Variants in SLCO5A1 observed in about 807,000 individuals in gnomAD.
SLCO5A1 encodes organic anion transporter polypeptide-related protein 4.
A neutral mutation model predicts 65.1 loss-of-function variants in SLCO5A1; 39 were observed. That is an observed-to-expected ratio of 0.60 (90% CI 0.46 to 0.78). SLCO5A1 has a LOEUF of 0.78. Ranked by LOEUF, SLCO5A1 falls within the 30% of genes least tolerant of loss-of-function variation. The probability of loss-of-function intolerance (pLI) is 0.00; values close to 1 mark genes in which losing one functional copy is unlikely to be tolerated. For synonymous variants in SLCO5A1, 438 were observed against 415.7 expected (o/e 1.05, Z -0.65); for missense variants, 1,029 against 1,069.4 (o/e 0.96, Z 0.53).
chr8:69,710,176 G>A (rs1374101008), intron 5 of SLCO5A1, among the ~76,000 whole-genome samples: 4 of 151,886 alleles, frequency 2.6e-5, no homozygotes, highest in Non-Finnish European at 4.4e-5. Context: ...TGGCAACCAC[G>A]ACCGGCTAAT....
chr8:69,831,764 T>C lies in SLCO5A1; in HGVS notation c.907+3A>G, dbSNP rs1261525721. 1.2e-6 allele frequency: 2 copies of C among 1,612,018 alleles called. No homozygotes were observed. The highest frequency in any genetic ancestry group is 2.2e-5 in the East Asian group (1 of 44,894). ...CATATCTGAGAGAACAGGAAAGTCT[T>C]ACCTAGGTACAAGGAGGAGTTTTCT... On this transcript the variant is annotated splice_donor_region_variant and intron_variant, in intron 2 of 9. Coordinates refer to ENST00000260126, the MANE Select transcript of SLCO5A1 (RefSeq NM_030958.3).
At chr8:69,807,609 T>C (rs141235277) in intron 2 of SLCO5A1, among the ~76,000 whole-genome samples, 219 of 152,336 alleles carry the variant, frequency 1.4e-3, no homozygotes, top group African/African-American at 5.0e-3. Flanking sequence ...GCTCATGTAG[T>C]ATGTGTTTCT....
At chr8:69,691,979 T>C (rs997151026) in intron 6 of SLCO5A1, among the ~76,000 whole-genome samples, 1 of 152,210 alleles carries the variant, frequency 6.6e-6, no homozygotes, top group African/African-American at 2.4e-5. Flanking sequence ...CCGGACGCGG[T>C]GGCTCACGCC....
At chr8:69,700,624 A>C (rs1013142155) in intron 6 of SLCO5A1, 1 of 152,168 alleles carries the variant, frequency 6.6e-6, no homozygotes, top group South Asian at 2.1e-4. Context: ...CTGAAATACT[A>C]GTAATAAAAG....
At chr8:69,799,981 T>G (rs183271140) in intron 2 of SLCO5A1, among the ~76,000 whole-genome samples, 2 of 152,346 alleles carry the variant, frequency 1.3e-5, no homozygotes, top group African/African-American at 4.8e-5. Flanking sequence ...GATAATAATT[T>G]CCTGAAAATA....
At position 69,781,718 on chromosome 8, in the gene SLCO5A1, C is replaced by T. The variant is rs187923309; in HGVS notation, c.908-19843G>A. Among the ~76,000 whole-genome samples the T allele has an allele frequency of 5.3e-5, 8 of 152,048 alleles. No individual in the cohort carries two copies. The East Asian group carries it at 9.7e-4, about 18-fold the overall frequency. On this transcript the variant is annotated intron_variant, in intron 2 of 9. Coordinates refer to ENST00000260126, the MANE Select transcript of SLCO5A1 (RefSeq NM_030958.3). ...TGTTGCCCAGGCTGGAGTGCAATGGCGCGATCTCGGCTCATCACAACCTCC... is the reference window on the plus strand; with the variant it reads ...TGTTGCCCAGGCTGGAGTGCAATGGTGCGATCTCGGCTCATCACAACCTCC...
chr8:69,778,563 T>C (rs1481038089), intron 2 of SLCO5A1, among the ~76,000 whole-genome samples: 2 of 152,238 alleles, frequency 1.3e-5, no homozygotes, highest in Non-Finnish European at 2.9e-5. Flanking sequence ...GTTTTCCTTA[T>C]AACTTTTCAT....
intron 2 of SLCO5A1, among the ~76,000 whole-genome samples, chr8:69,790,722 T>C (rs1456731725): frequency 1.3e-5 from 2 of 151,836 alleles, no homozygotes; most frequent in Admixed American, 1.3e-4. Context: ...TAATATGCGG[T>C]TTTAAACTAC....
chr8:69,717,638 T>G lies in SLCO5A1; in HGVS notation c.1424-12409A>C, dbSNP rs558903715. Among the ~76,000 whole-genome samples, 14 of 152,314 alleles carry G rather than the reference T, an allele frequency of 9.2e-5. No individual in the cohort carries two copies. In the East Asian group the frequency reaches 2.7e-3, roughly 29 times the overall value. On this transcript the variant is annotated intron_variant, in intron 5 of 9. Coordinates refer to ENST00000260126, the MANE Select transcript of SLCO5A1 (RefSeq NM_030958.3). ...TTGCCAATTTTTGCAAAGAAGCCAG[T>G]TGGAATTTTGATGAGGATTGTATTG...
At chr8:69,688,764 T>A (rs1007925193) in intron 6 of SLCO5A1, among the ~76,000 whole-genome samples, 1 of 152,186 alleles carries the variant, frequency 6.6e-6, no homozygotes, top group Admixed American at 6.5e-5. Context: ...TGGTTCCAAG[T>A]CTTTGCTATT....
At chr8:69,707,264 A>G (rs2130812326) in intron 5 of SLCO5A1, among the ~76,000 whole-genome samples, 1 of 152,344 alleles carries the variant, frequency 6.6e-6, no homozygotes, top group African/African-American at 2.4e-5. Flanking sequence ...TAATTATACA[A>G]AGTGCAGGGA....
chr8:69,760,652 T>A (rs1189640811), intron 3 of SLCO5A1, among the ~76,000 whole-genome samples: 3 of 152,242 alleles, frequency 2.0e-5, no homozygotes, highest in African/African-American at 7.2e-5. Flanking sequence ...GCCTTATCAA[T>A]GTATATATAT....
At chr8:69,809,040 G>A (rs927967184) in intron 2 of SLCO5A1, among the ~76,000 whole-genome samples, 2 of 152,136 alleles carry the variant, frequency 1.3e-5, no homozygotes, top group Non-Finnish European at 2.9e-5. Flanking sequence ...GGAGGAAGAG[G>A]TTGCAGTAAG....
chr8:69,686,948 T>C (rs1044329227), intron 6 of SLCO5A1, among the ~76,000 whole-genome samples: 3 of 152,220 alleles, frequency 2.0e-5, no homozygotes, highest in Admixed American at 2.0e-4. Flanking sequence ...GTTATCAAAA[T>C]GTCAGTATCA....
chr8:69,795,264 C>T (rs1819443413), intron 2 of SLCO5A1, among the ~76,000 whole-genome samples: 1 of 152,206 alleles, frequency 6.6e-6, no homozygotes, highest in Non-Finnish European at 1.5e-5. Context: ...GTCCAAAGTT[C>T]AAAGTCTCAT....
intron 4 of SLCO5A1, among the ~76,000 whole-genome samples, chr8:69,743,863 C>T (rs1816909642): frequency 6.6e-6 from 1 of 152,130 alleles, no homozygotes; most frequent in South Asian, 2.1e-4. Flanking sequence ...GCTTTGTTTC[C>T]CTTGGAGTGT....
chr8:69,741,117 C>T (rs1383006424), intron 4 of SLCO5A1, among the ~76,000 whole-genome samples: 1 of 152,124 alleles, frequency 6.6e-6, no homozygotes, highest in Admixed American at 6.5e-5. Flanking sequence ...AATACATTGT[C>T]TCACATGCTT....
chr8:69,702,875 G>A (rs1814805046), intron 6 of SLCO5A1, among the ~76,000 whole-genome samples: 1 of 152,064 alleles, frequency 6.6e-6, no homozygotes, highest in Non-Finnish European at 1.5e-5. Context: ...TTGGGAAGTG[G>A]GGGCAGGAGG....
intron 2 of SLCO5A1, among the ~76,000 whole-genome samples, chr8:69,767,665 G>A (rs1194063651): frequency 6.6e-6 from 1 of 151,988 alleles, no homozygotes; most frequent in East Asian, 1.9e-4. Context: ...GCCAAGGCAG[G>A]CAGATCATGA....
Sources: allele counts gnomAD v4.1 joint callset (sites outside exome capture counted in the v4.1 genomes callset), GRCh38; gene constraint gnomAD v4.1.1; transcripts MANE v1.5; gene names NCBI Gene and HGNC (gene_info 2026-07-23, HGNC 2026-07-21).